Variants in CFAP161 observed in about 807,000 individuals in gnomAD.
CFAP161 encodes the protein cilia and flagella associated protein 161.
In CFAP161, 25 loss-of-function variants were observed where a neutral mutation model predicts 29.0. The ratio of observed to expected loss-of-function variants is 0.86; its 90% CI spans 0.63 to 1.20. The LOEUF (loss-of-function observed/expected upper bound fraction) is 1.20. Among genes scored for constraint, CFAP161 ranks in the 50% most tolerant of loss-of-function variants. The pLI is 0.00. For missense variants in CFAP161, 367 were observed against 371.9 expected, an observed-to-expected ratio of 0.99 and a Z score of 0.11; for synonymous variants, 116 against 137.4, an observed-to-expected ratio of 0.84 and a Z score of 1.09.
intron 1 of CFAP161, among the ~76,000 whole-genome samples, chr15:81,117,182 C>A (rs568005463): frequency 6.6e-6 from 1 of 151,720 alleles, no homozygotes; most frequent in Non-Finnish European, 1.5e-5. Flanking sequence ...GTAATATAAC[C>A]AATGTTTCCA....
rs1894376173 is a variant in CFAP161, at chr15:81,106,628, A to G, written c.-141-20962A>G. ...CTTGCTGTCACTGCATCATTTTTCT[A>G]GTCACAAATCAGAAGCTGTACCCAC... On this transcript the variant is annotated intron_variant, in intron 1 of 4. Transcript: ENST00000560091. 2.0e-5 allele frequency among the ~76,000 whole-genome samples: 3 copies of G among 152,228 alleles called. No homozygotes were observed. In the South Asian group the frequency reaches 6.2e-4, roughly 31 times the overall value.
intron 5 of CFAP161, among the ~76,000 whole-genome samples, chr15:81,144,055 T>C (rs1036527458): frequency 6.6e-6 from 1 of 152,180 alleles, no homozygotes. Context: ...CTCAAATGCC[T>C]TATGACTTTC....
Position 81,148,372 on chromosome 15 carries a change from C to T in CFAP161, c.745C>T (p.His249Tyr). 1.2e-6 allele frequency: 2 copies of T among 1,613,902 alleles called. No homozygotes were observed. The highest frequency in any genetic ancestry group is 1.7e-6 in the Non-Finnish European group (2 of 1,179,796). Residue 249 changes from histidine to tyrosine, a missense_variant, in exon 7 of 7, where the codon CAC becomes TAC. Transcript: ENST00000286732. ...YFGKEAEVVA[H>Y]TYLDSHRVEK... ...TGGAAAGGAGGCTGAGGTTGTAGCT[C>T]ACACATACCTGGATTCACATAGAGT...
At chr15:81,102,075 T>C (rs1415175046) in intron 1 of CFAP161, among the ~76,000 whole-genome samples, 1 of 152,220 alleles carries the variant, frequency 6.6e-6, no homozygotes, top group Non-Finnish European at 1.5e-5. Flanking sequence ...TTCCCTGGAA[T>C]TGAGCCAAAG....
intron 1 of CFAP161, chr15:81,117,716 A>C: frequency 3.2e-6 from 1 of 314,444 alleles, no homozygotes; most frequent in Non-Finnish European, 6.4e-6. Context: ...CCTCATCTTC[A>C]TCCTCATCCA....
At chr15:81,116,943 T>C (rs1894506149) in intron 1 of CFAP161, among the ~76,000 whole-genome samples, 1 of 152,188 alleles carries the variant, frequency 6.6e-6, no homozygotes, top group Non-Finnish European at 1.5e-5. Flanking sequence ...TAGTGTTGTT[T>C]TTGGAAAACT....
At chr15:81,108,583 G>A (rs558603310) in intron 1 of CFAP161, among the ~76,000 whole-genome samples, 1 of 152,254 alleles carries the variant, frequency 6.6e-6, no homozygotes. Context: ...TAGATCGGTG[G>A]TTTTCAATCT....
At chr15:81,126,639 G>A (rs985128273) in intron 1 of CFAP161, among the ~76,000 whole-genome samples, 24 of 152,154 alleles carry the variant, frequency 1.6e-4, no homozygotes, top group African/African-American at 5.8e-4. Context: ...ATTTTGACCT[G>A]TTTGATCTGA....
intron 1 of CFAP161, among the ~76,000 whole-genome samples, chr15:81,105,171 C>T (rs554136466): frequency 7.2e-5 from 4 of 55,778 alleles, no homozygotes; most frequent in African/African-American, 2.8e-4. Context: ...CTTCCTTCCT[C>T]CCTCCCTTCC....
At chr15:81,109,625 G>C (rs186693300) in intron 1 of CFAP161, among the ~76,000 whole-genome samples, 1 of 152,290 alleles carries the variant, frequency 6.6e-6, no homozygotes, top group African/African-American at 2.4e-5. Context: ...GATCACTGGA[G>C]TCCAGGAGTT....
intron 1 of CFAP161, among the ~76,000 whole-genome samples, chr15:81,105,219 C>T (rs1258595531): frequency 3.4e-5 from 2 of 59,250 alleles, no homozygotes; most frequent in African/African-American, 8.3e-5. Context: ...CTTTCTCCCC[C>T]ACCCTCCCCC....
At chr15:81,119,721 T>G (rs1419938696) in intron 1 of CFAP161, among the ~76,000 whole-genome samples, 13 of 152,002 alleles carry the variant, frequency 8.6e-5, no homozygotes, top group Admixed American at 3.9e-4. Context: ...ATATTGATTC[T>G]GGGGAAACCT....
At position 81,136,732 on chromosome 15, in the gene CFAP161, A is replaced by T. The variant is rs768090433; in HGVS notation, c.376A>T (p.Thr126Ser). 2.1e-5 allele frequency: 34 copies of T among 1,613,380 alleles called. No homozygotes were observed. The Admixed American group carries it at 3.0e-4, about 14-fold the overall frequency. Reference sequence around the variant, plus strand: ...AGCCAAGACCCCAATTGGCAGAAACACTTTTATCATTTTGAGGTAAAGAGA... The same window carrying T: ...AGCCAAGACCCCAATTGGCAGAAACTCTTTTATCATTTTGAGGTAAAGAGA... ...VQAKTPIGRN[T>S]FIILSVHRDA... The change falls in exon 3 of 7, where the codon ACT becomes TCT. Residue 126 changes from threonine (T) to serine (S), a missense_variant. Transcript: ENST00000286732.
intron 2 of CFAP161, 100 bp downstream of exon 2, chr15:81,135,459 C>T (rs957213154): frequency 2.6e-5 from 17 of 662,850 alleles, no homozygotes; most frequent in Non-Finnish European, 4.2e-5. Flanking sequence ...TGGTGTGCTG[C>T]ACCCATTAAC....
rs555972871 is a variant in CFAP161, at chr15:81,148,452, G to A, written c.825G>A (p.Ser275=). 3.8e-5 allele frequency: 62 copies of A among 1,614,180 alleles called. No individual in the cohort carries two copies. The highest frequency in any genetic ancestry group is 1.2e-4 in the African/African-American group (9 of 75,022). Residue 275 remains serine, a synonymous_variant, in exon 7 of 7, where the codon TCG becomes TCA. Coordinates refer to ENST00000286732, the MANE Select transcript of CFAP161 (RefSeq NM_173528.4). ...MLVTGNPRDA[S]SSMLDLPKPP... ...TTACTGGGAATCCCAGGGATGCCTCGTCCTCCATGTTGGATCTGCCCAAAC... is the reference window on the plus strand; with the variant it reads ...TTACTGGGAATCCCAGGGATGCCTCATCCTCCATGTTGGATCTGCCCAAAC...
chr15:81,132,843 T>A (rs1894729923), upstream of CFAP161, among the ~76,000 whole-genome samples: 1 of 152,136 alleles, frequency 6.6e-6, no homozygotes. Flanking sequence ...TTTGAGCAAC[T>A]TTTAGCAGTT....
upstream of CFAP161, among the ~76,000 whole-genome samples, chr15:81,129,607 A>C (rs1233572577): frequency 6.6e-6 from 1 of 152,228 alleles, no homozygotes; most frequent in Admixed American, 6.5e-5. Context: ...TGGGAGCTAC[A>C]ATTTGAGATG....
At chr15:81,115,347 G>C (rs1038859949) in intron 1 of CFAP161, among the ~76,000 whole-genome samples, 4 of 152,154 alleles carry the variant, frequency 2.6e-5, no homozygotes, top group South Asian at 2.1e-4. Context: ...CTGGATGCTG[G>C]GATGAACCTG....
intron 6 of CFAP161, among the ~76,000 whole-genome samples, 177 bp downstream of exon 6, chr15:81,148,108 A>G (rs1895041123): frequency 6.6e-6 from 1 of 152,178 alleles, no homozygotes. Flanking sequence ...CCCTTCTTTT[A>G]TACAAATCCT....
Sources: allele counts gnomAD v4.1 joint callset (sites outside exome capture counted in the v4.1 genomes callset), GRCh38; gene constraint gnomAD v4.1.1; transcripts MANE v1.5; gene names NCBI Gene and HGNC (gene_info 2026-07-23, HGNC 2026-07-21).